SLC6A19: variants seen among roughly 807,000 people sequenced by gnomAD.
The protein encoded by SLC6A19 is solute carrier family 6 member 19, also known as sodium-dependent neutral amino acid transporter B(0)AT1.
SLC6A19 carries 67 observed loss-of-function variants against 68.3 expected under a neutral mutation model. The ratio of observed to expected loss-of-function variants is 0.98; its 90% CI spans 0.81 to 1.20. SLC6A19 has a LOEUF of 1.20. SLC6A19 is among the 50% of genes most tolerant of loss of function. The probability of loss-of-function intolerance (pLI) is 0.00; values close to 1 mark genes in which losing one functional copy is unlikely to be tolerated. For missense variants in SLC6A19, 813 were observed against 851.6 expected, an observed-to-expected ratio of 0.95 and a Z score of 0.56; for synonymous variants, 392 against 374.9, an observed-to-expected ratio of 1.05 and a Z score of -0.53.
intron 10 of SLC6A19, among the ~76,000 whole-genome samples, chr5:1,220,495 G>A (rs1475832009): frequency 6.6e-6 from 1 of 152,102 alleles, no homozygotes; most frequent in Non-Finnish European, 1.5e-5. Flanking sequence ...CAGGCTCCCG[G>A]CTTGGGAAAA....
In SLC6A19 at chr5:1,201,640, C is replaced by T. The variant is rs1242615837; in HGVS notation, c.-11C>T. 2 of 1,602,852 alleles carry T rather than the reference C, an allele frequency of 1.2e-6. No homozygotes were observed. Among genetic ancestry groups the T allele is most frequent in the South Asian group, 1.1e-5 (1 of 90,442 alleles). On this transcript the variant is annotated 5_prime_UTR_variant, in exon 1 of 12. Transcript: ENST00000304460. ...CCTGCCTGCTGTGTGCGGAGCCGTC[C>T]AGCGACCACCATGGTGAGGCTCGTG...
intron 1 of SLC6A19, among the ~76,000 whole-genome samples, chr5:1,204,394 T>C (rs1200790127): frequency 6.6e-6 from 1 of 152,042 alleles, no homozygotes; most frequent in African/African-American, 2.4e-5. Flanking sequence ...ACCTGGGAAA[T>C]GGGTGTGATG....
Position 1,213,491 on chromosome 5 carries a change from A to G in SLC6A19, c.692A>G (p.Tyr231Cys), listed in dbSNP as rs981955015. Residue 231 changes from tyrosine to cysteine, a missense_variant, in exon 5 of 12, where the codon TAT (tyrosine) becomes TGT (cysteine). By Grantham distance (194) the Tyr-to-Cys change is radical. Coordinates refer to ENST00000304460, the MANE Select transcript of SLC6A19 (RefSeq NM_001003841.3). ...KAVYITSTLP[Y>C]VVLTIFLIRG... ...GTGTACATCACCTCCACGCTGCCCT[A>G]TGTCGTCCTGACCATCTTCCTCATC... The G allele has an allele frequency of 1.3e-6, 2 of 1,599,284 alleles. No individual in the cohort carries two copies. The highest frequency in any genetic ancestry group is 1.7e-6 in the Non-Finnish European group (2 of 1,175,404).
At chr5:1,206,394 C>T (rs1745854304) in intron 1 of SLC6A19, among the ~76,000 whole-genome samples, 1 of 81,576 alleles carries the variant, frequency 1.2e-5, no homozygotes, top group South Asian at 4.0e-4. Flanking sequence ...CTCCCTGCCT[C>T]CCTCTCTGTC....
chr5:1,209,839 T>A lies in SLC6A19; in HGVS notation c.344-605T>A, dbSNP rs1015960951. On this transcript the variant is annotated intron_variant, in intron 2 of 11. Coordinates refer to ENST00000304460, the MANE Select transcript of SLC6A19 (RefSeq NM_001003841.3). The surrounding 1 kb of genome is among the most constrained non-coding windows in gnomAD (Gnocchi z 5.5). ...ACACTCACATATTCACAACACACAT[T>A]TGGTTTTGAGTTTGAAACTTCAGTA... Among the ~76,000 whole-genome samples, 2 of 152,110 alleles carry A rather than the reference T, an allele frequency of 1.3e-5. No individual in the cohort carries two copies. Among genetic ancestry groups the A allele is most frequent in the African/African-American group, 4.8e-5 (2 of 41,416 alleles).
Position 1,212,581 on chromosome 5 carries a change from G to A in SLC6A19, c.663+97G>A. On this transcript the variant is annotated intron_variant, in intron 4 of 11. Coordinates refer to ENST00000304460, the MANE Select transcript of SLC6A19 (RefSeq NM_001003841.3). This position sits in a 1 kb window ranked among gnomAD's most constrained non-coding sequence, Gnocchi z 5.1. ...TGCACTCTAAAACCCAGGTCTGGGG[G>A]TCCCGGGCTCTGCCTTTCCCCAGAC... 3 of 1,492,444 alleles carry A rather than the reference G, an allele frequency of 2.0e-6. No homozygotes were observed. The highest frequency in any genetic ancestry group is 2.7e-6 in the Non-Finnish European group (3 of 1,092,078). The allele number at this position is 1,492,444 out of a possible 1,614,324, so 92.5% of individuals were successfully genotyped here.
At position 1,212,315 on chromosome 5, in the gene SLC6A19, A is replaced by G. The variant is rs1156743288; in HGVS notation, c.494A>G (p.Glu165Gly). Residue 165 changes from glutamate to glycine, a missense_variant, in exon 4 of 12, where the codon GAG becomes GGG. By Grantham distance (98) the Glu-to-Gly change is moderately conservative. Coordinates refer to ENST00000304460, the MANE Select transcript of SLC6A19 (RefSeq NM_001003841.3). The surrounding 1 kb of genome is among the most constrained non-coding windows in gnomAD (Gnocchi z 5.1). The part of the protein sequence containing the change: ...LNENQTGYVD[E>G]CARSSPVDYF... Reference sequence around the variant, plus strand: ...GCCCTCTCCCCAGGGTATGTGGACGAGTGCGCCAGGAGCTCCCCTGTGGAC... The same window carrying G: ...GCCCTCTCCCCAGGGTATGTGGACGGGTGCGCCAGGAGCTCCCCTGTGGAC... The G allele has an allele frequency of 6.2e-7, 1 of 1,613,486 alleles. No homozygotes were observed. Among genetic ancestry groups the G allele is most frequent in the East Asian group, 2.2e-5 (1 of 44,884 alleles).
rs185847826 is a variant in SLC6A19 at position 1,215,738 on chromosome 5, T to C, written c.888-820T>C. Among the ~76,000 whole-genome samples the C allele has an allele frequency of 8.8e-4, 134 of 152,386 alleles. No individual in the cohort carries two copies. The highest frequency in any genetic ancestry group is 2.9e-3 in the African/African-American group (121 of 41,594). ...TTGTGGACGCATGCTTTCGTTCTTCTGGGTGTGCGCCTAGGAGTGGAGTTG... is the reference window on the plus strand; with the variant it reads ...TTGTGGACGCATGCTTTCGTTCTTCCGGGTGTGCGCCTAGGAGTGGAGTTG... On this transcript the variant is annotated intron_variant, in intron 6 of 11. Coordinates refer to ENST00000304460, the MANE Select transcript of SLC6A19 (RefSeq NM_001003841.3). The surrounding 1 kb of genome is among the most constrained non-coding windows in gnomAD (Gnocchi z 5.1).
At chr5:1,221,597 C>T in intron 11 of SLC6A19, 104 bp from the exon 12 acceptor site, 1 of 1,444,380 alleles carries the variant, frequency 6.9e-7, no homozygotes, top group Non-Finnish European at 9.6e-7. Context: ...CCCTGCCTGC[C>T]CCACAGGACA....
intron 2 of SLC6A19, 37 bp downstream of exon 2, chr5:1,208,923 G>A (rs944586830): frequency 1.3e-6 from 2 of 1,590,668 alleles, no homozygotes; most frequent in Non-Finnish European, 1.7e-6. Context: ...GGGCCCAGGG[G>A]TCGCCTCTGC....
At position 1,218,887 on chromosome 5, in the gene SLC6A19, T is replaced by A. The variant is rs768480546; in HGVS notation, c.1174-16T>A. ...CGGAGGGCAGAGGCCCTGGTGACTG[T>A]GTGTCATCCGTGCAGGCCGTGGAGG... On this transcript the variant is annotated splice_polypyrimidine_tract_variant and intron_variant, in intron 8 of 11. Transcript: ENST00000304460. 3 of 1,611,072 alleles carry A rather than the reference T, an allele frequency of 1.9e-6. No individual in the cohort carries two copies. The Admixed American group carries it at 5.0e-5, about 27-fold the overall frequency.
chr5:1,213,579 TC>T lies in SLC6A19; in HGVS notation c.774+10del, dbSNP rs1191386977. On this transcript the variant is annotated splice_region_variant and intron_variant, in intron 5 of 11. Coordinates refer to ENST00000304460, the MANE Select transcript of SLC6A19 (RefSeq NM_001003841.3). ...TCTTCCTCTTCACGCCCAACGTAAG[TC>T]CCCGAGGCTGCCCTGGGCCCAGACC... The T allele has an allele frequency of 1.9e-6, 3 of 1,610,216 alleles. No homozygotes were observed. Among genetic ancestry groups the T allele is most frequent in the South Asian group, 1.1e-5 (1 of 90,816 alleles).
Position 1,219,567 on chromosome 5 carries a change from T to C in SLC6A19, c.1441T>C (p.Trp481Arg). Residue 481 changes from tryptophan (W) to arginine (R), a missense_variant, in exon 10 of 12, where the codon TGG (tryptophan) becomes CGG (arginine). Coordinates refer to ENST00000304460, the MANE Select transcript of SLC6A19 (RefSeq NM_001003841.3). ...FIFTLNSGQY[W>R]LSLLDSYAGS... Reference sequence around the variant, plus strand: ...CTTCACGCTGAACTCCGGCCAGTACTGGCTCTCCCTGCTGGACAGCTATGC... The same window carrying C: ...CTTCACGCTGAACTCCGGCCAGTACCGGCTCTCCCTGCTGGACAGCTATGC... The C allele has an allele frequency of 6.2e-7, 1 of 1,612,292 alleles. No homozygotes were observed. Among genetic ancestry groups the C allele is most frequent in the Non-Finnish European group, 8.5e-7 (1 of 1,180,032 alleles).
chr5:1,219,384 C>T (rs1032851644), intron 9 of SLC6A19, 121 bp from the exon 10 acceptor site: 19 of 1,410,696 alleles, frequency 1.3e-5, no homozygotes, highest in Non-Finnish European at 1.7e-5. Context: ...GTGCAGCCCC[C>T]GGGTGTGTGA....
chr5:1,205,763 GA>G (rs969307142), intron 1 of SLC6A19, among the ~76,000 whole-genome samples: 8 of 151,340 alleles, frequency 5.3e-5, no homozygotes, highest in Non-Finnish European at 7.4e-5. Context: ...AAGCTCTTGG[GA>G]AAAAAAAATT....
At chr5:1,219,362 C>A in intron 9 of SLC6A19, 143 bp from the exon 10 acceptor site, 1 of 1,285,096 alleles carries the variant, frequency 7.8e-7, no homozygotes, top group Non-Finnish European at 1.1e-6. Flanking sequence ...GCAGCTCTGT[C>A]CCCGGCAGTG....
At chr5:1,207,663 C>A (rs11744733) in intron 1 of SLC6A19, among the ~76,000 whole-genome samples, 2 of 152,046 alleles carry the variant, frequency 1.3e-5, no homozygotes, top group Non-Finnish European at 2.9e-5. Context: ...TCCCTATCTT[C>A]TATCTATTTC....
At chr5:1,216,989 G>T (rs947021455) in intron 8 of SLC6A19, 44 bp downstream of exon 8, 5 of 1,610,284 alleles carry the variant, frequency 3.1e-6, no homozygotes, top group African/African-American at 1.3e-5. Flanking sequence ...GGCACCCCTT[G>T]CTGGCACCTC....
rs1746132371 is a variant in SLC6A19, at chr5:1,214,058, T to C, written c.880T>C (p.Ser294Pro). The stretch of plus-strand genomic sequence containing the variant: ...CCTCATCTCCTTCTCCAGCTACAAC[T>C]CTGTGCAGTGAGTGCGGGTGTGGTG... ...GGLISFSSYN[S>P]VHNNCEKDSV... Residue 294 changes from serine (S) to proline (P), a missense_variant, in exon 6 of 12, where the codon TCT (serine) becomes CCT (proline). Ser to Pro is a moderately conservative substitution (Grantham distance 74). Transcript: ENST00000304460. The surrounding 1 kb of genome is among the most constrained non-coding windows in gnomAD (Gnocchi z 7.4). 6.2e-7 allele frequency: 1 copy of C among 1,613,698 alleles called. No individual in the cohort carries two copies. Among genetic ancestry groups the C allele is most frequent in the Non-Finnish European group, 8.5e-7 (1 of 1,180,004 alleles).
Sources: gnomAD v4.1 joint callset for allele counts (sites outside exome capture counted in the v4.1 genomes callset) on GRCh38, gnomAD v4.1.1 for gene constraint, Gnocchi (gnomAD v3.1) non-coding constraint, MANE v1.5 for transcripts, NCBI Gene and HGNC (gene_info 2026-07-23, HGNC 2026-07-21) for gene names.